TCF7L1: variants seen among roughly 807,000 people sequenced by gnomAD.
The protein encoded by TCF7L1 is transcription factor 7 like 1, also known as transcription factor 7-like 1.
TCF7L1 carries 18 observed loss-of-function variants against 63.7 expected under a neutral mutation model. That is an observed-to-expected ratio of 0.28 (90% CI 0.20 to 0.42). The LOEUF (loss-of-function observed/expected upper bound fraction) is 0.42. Ranked by LOEUF, TCF7L1 falls within the 10% of genes least tolerant of loss-of-function variation. TCF7L1 has a pLI of 1.00. For synonymous variants in TCF7L1, 355 were observed against 340.9 expected, an observed-to-expected ratio of 1.04 and a Z score of -0.46; for missense variants, 654 against 779.3, an observed-to-expected ratio of 0.84 and a Z score of 1.91.
intron 3 of TCF7L1, among the ~76,000 whole-genome samples, chr2:85,163,958 C>T (rs907646770): frequency 2.0e-5 from 3 of 152,112 alleles, no homozygotes; most frequent in Admixed American, 2.0e-4. Context: ...ATAGTACACC[C>T]TGTCTCCACA....
intron 3 of TCF7L1, among the ~76,000 whole-genome samples, chr2:85,142,474 TATATATA>T (rs1677765336): frequency 6.9e-6 from 1 of 145,264 alleles, no homozygotes; most frequent in African/African-American, 2.6e-5. Flanking sequence ...GTTGTGTGTA[TATATATA>T]ATATATATAT....
At chr2:85,202,540 A>G (rs1363119636) in intron 3 of TCF7L1, among the ~76,000 whole-genome samples, 1 of 152,190 alleles carries the variant, frequency 6.6e-6, no homozygotes, top group Non-Finnish European at 1.5e-5. Context: ...GTCATAAAAA[A>G]TATGTCTTTA....
chr2:85,235,872 C>G (rs1254168032), intron 3 of TCF7L1, among the ~76,000 whole-genome samples: 3 of 151,770 alleles, frequency 2.0e-5, no homozygotes, highest in African/African-American at 7.3e-5. Flanking sequence ...AAATAAAAAC[C>G]CACCAGGCTG....
chr2:85,137,627 T>C (rs1677623903), intron 3 of TCF7L1, among the ~76,000 whole-genome samples: 2 of 152,236 alleles, frequency 1.3e-5, no homozygotes, highest in Non-Finnish European at 2.9e-5. Context: ...GTGCGGTGGC[T>C]TAGGCCTGTA....
At chr2:85,165,416 C>G (rs1232540076) in intron 3 of TCF7L1, among the ~76,000 whole-genome samples, 1 of 152,238 alleles carries the variant, frequency 6.6e-6, no homozygotes, top group Non-Finnish European at 1.5e-5. Flanking sequence ...TCTTGGGAAG[C>G]TGGTCCCTGT....
At chr2:85,228,751 C>G (rs899463029) in intron 3 of TCF7L1, among the ~76,000 whole-genome samples, 3 of 151,942 alleles carry the variant, frequency 2.0e-5, no homozygotes, top group Non-Finnish European at 2.9e-5. Context: ...CTCGGTGGCT[C>G]ACGCCTGTAA....
chr2:85,150,501 G>A (rs944932129), intron 3 of TCF7L1, among the ~76,000 whole-genome samples: 3 of 151,668 alleles, frequency 2.0e-5, no homozygotes, highest in Non-Finnish European at 4.4e-5. Flanking sequence ...CAAAGTGCTG[G>A]TATTACAGGC....
At chr2:85,194,981 C>A (rs1470298876) in intron 3 of TCF7L1, among the ~76,000 whole-genome samples, 1 of 152,248 alleles carries the variant, frequency 6.6e-6, no homozygotes, top group Non-Finnish European at 1.5e-5. Flanking sequence ...TTCAGCTCCA[C>A]CCCCCAGTCC....
intron 3 of TCF7L1, among the ~76,000 whole-genome samples, chr2:85,141,159 C>T (rs1677727941): frequency 2.0e-5 from 3 of 152,162 alleles, no homozygotes; most frequent in Admixed American, 1.3e-4. Context: ...GGTGGTAGCT[C>T]AGGAGTTCAA....
chr2:85,303,809 A>T (rs1380906276), intron 5 of TCF7L1, 86 bp from the exon 6 acceptor site: 1 of 1,023,802 alleles, frequency 9.8e-7, no homozygotes, highest in African/African-American at 1.6e-5. Context: ...CACCAGGGAC[A>T]TAGGGCAGGA....
At chr2:85,197,499 A>G (rs543363186) in intron 3 of TCF7L1, among the ~76,000 whole-genome samples, 2 of 152,320 alleles carry the variant, frequency 1.3e-5, no homozygotes, top group East Asian at 3.9e-4. Flanking sequence ...ACCAACAAAC[A>G]CTGATGCGAC....
intron 3 of TCF7L1, among the ~76,000 whole-genome samples, chr2:85,174,315 C>T (rs1253778580): frequency 1.3e-5 from 2 of 152,156 alleles, no homozygotes; most frequent in Non-Finnish European, 2.9e-5. Flanking sequence ...ATCAGCACTT[C>T]CTCCGTTTTT....
intron 3 of TCF7L1, among the ~76,000 whole-genome samples, chr2:85,207,693 A>G (rs1374644598): frequency 2.6e-5 from 4 of 151,688 alleles, no homozygotes; most frequent in African/African-American, 9.7e-5. Flanking sequence ...TGACTGAACA[A>G]TTTTTTGATT....
intron 3 of TCF7L1, among the ~76,000 whole-genome samples, chr2:85,163,204 T>G (rs1678329339): frequency 6.6e-6 from 1 of 152,194 alleles, no homozygotes; most frequent in African/African-American, 2.4e-5. Context: ...GCTCAGGCTT[T>G]GCTGGAATTT....
intron 3 of TCF7L1, among the ~76,000 whole-genome samples, chr2:85,230,294 T>G (rs1680048096): frequency 6.6e-6 from 1 of 152,232 alleles, no homozygotes; most frequent in African/African-American, 2.4e-5. Flanking sequence ...ATTAGTACCC[T>G]GGAGTACAAT....
intron 3 of TCF7L1, among the ~76,000 whole-genome samples, chr2:85,161,691 G>C (rs1440598612): frequency 6.6e-6 from 1 of 152,230 alleles, no homozygotes; most frequent in African/African-American, 2.4e-5. Context: ...AGGGTAAAAG[G>C]ATGAGAGTGC....
chr2:85,283,452 C>G, intron 3 of TCF7L1, 43 bp from the exon 4 acceptor site: 2 of 1,605,358 alleles, frequency 1.2e-6, no homozygotes, highest in Non-Finnish European at 1.7e-6. Flanking sequence ...ACTTGTGAGG[C>G]CTCATCTCAC....
At chr2:85,308,010 G>A (rs1271696296) in intron 11 of TCF7L1, among the ~76,000 whole-genome samples, 1 of 152,160 alleles carries the variant, frequency 6.6e-6, no homozygotes, top group South Asian at 2.1e-4. Context: ...AGGGTTAATG[G>A]AATGAGGTTG....
chr2:85,228,164 A>G (rs1679999971), intron 3 of TCF7L1, among the ~76,000 whole-genome samples: 1 of 152,120 alleles, frequency 6.6e-6, no homozygotes, highest in Non-Finnish European at 1.5e-5. Flanking sequence ...TCATGCCTAT[A>G]ATCCCAACAC....
Sources: allele counts gnomAD v4.1 joint callset (sites outside exome capture counted in the v4.1 genomes callset), GRCh38; gene constraint gnomAD v4.1.1; transcripts MANE v1.5; gene names NCBI Gene and HGNC (gene_info 2026-07-23, HGNC 2026-07-21).